Variants in MDGA1 observed in about 807,000 individuals in gnomAD.
MDGA1 encodes MAM domain-containing glycosylphosphatidylinositol anchor protein 1.
In MDGA1, 54 loss-of-function variants were observed where a neutral mutation model predicts 101.5. That is an observed-to-expected ratio of 0.53 (90% confidence interval 0.43 to 0.67). The LOEUF is 0.67. MDGA1 is among the 30% of genes least tolerant of loss of function. The pLI, the probability that MDGA1 is intolerant of heterozygous loss-of-function variation, is 0.00. For synonymous variants in MDGA1, 533 were observed against 558.3 expected, an observed-to-expected ratio of 0.95 and a Z score of 0.64; for missense variants, 1,083 against 1,323.8, an observed-to-expected ratio of 0.82 and a Z score of 2.82.
Position 37,632,764 on chromosome 6 carries a change from T to G in MDGA1, c.*4604A>C, listed in dbSNP as rs1464233556. 1 of 152,710 alleles carries G rather than the reference T, an allele frequency of 6.5e-6. No individual in the cohort carries two copies. The highest frequency in any genetic ancestry group is 1.5e-5 in the Non-Finnish European group (1 of 68,104). 9.5% of individuals were successfully genotyped at this position (152,710 alleles called of 1,614,324 possible). The stretch of plus-strand genomic sequence containing the variant: ...GGGTGGGCTGGGGTGGTCAGACATG[T>G]GGGCCTGGGCATGAGGAGTTTTGGC... On this transcript the variant is annotated 3_prime_UTR_variant, in exon 17 of 17. Coordinates refer to ENST00000434837, the MANE Select transcript of MDGA1 (RefSeq NM_153487.4).
chr6:37,631,768 G>A lies in MDGA1; in HGVS notation c.*5600C>T, dbSNP rs1014798612. 2.0e-5 allele frequency: 3 copies of A among 152,146 alleles called. No homozygotes were observed. Among genetic ancestry groups the A allele is most frequent in the Admixed American group, 2.0e-4 (3 of 15,272 alleles). 9.4% of individuals were successfully genotyped at this position (152,146 alleles called of 1,614,324 possible). The stretch of plus-strand genomic sequence containing the variant: ...ATTCTAGAATTCTGAGAGGTCTGGG[G>A]TAAAGGGAAAGGTTGGCATAACTTG... On this transcript the variant is annotated 3_prime_UTR_variant, in exon 17 of 17. Transcript: ENST00000434837.
chr6:37,679,040 T>C (rs1762039549), intron 1 of MDGA1, among the ~76,000 whole-genome samples: 1 of 152,160 alleles, frequency 6.6e-6, no homozygotes, highest in Non-Finnish European at 1.5e-5. Context: ...GCATCAGGTA[T>C]ATTTATAAAT....
intron 1 of MDGA1, among the ~76,000 whole-genome samples, chr6:37,685,962 T>C (rs1363464512): frequency 6.6e-6 from 1 of 152,080 alleles, no homozygotes; most frequent in African/African-American, 2.4e-5. Flanking sequence ...CTAAATCCCC[T>C]TTCATTCAAG....
intron 1 of MDGA1, among the ~76,000 whole-genome samples, chr6:37,685,299 T>TAA (rs879758925): frequency 7.0e-6 from 1 of 143,108 alleles, no homozygotes; most frequent in East Asian, 2.0e-4. Flanking sequence ...CTCAAAAAAT[T>TAA]AAAAAAAAAA....
At chr6:37,675,365 G>A (rs1761957723) in intron 1 of MDGA1, among the ~76,000 whole-genome samples, 1 of 152,216 alleles carries the variant, frequency 6.6e-6, no homozygotes, top group Non-Finnish European at 1.5e-5. Context: ...AGGATTCGAT[G>A]AGACAATGCA....
intron 1 of MDGA1, among the ~76,000 whole-genome samples, chr6:37,691,106 C>T (rs1762299955): frequency 6.6e-6 from 1 of 152,182 alleles, no homozygotes; most frequent in South Asian, 2.1e-4. Flanking sequence ...CTCCTTCCAT[C>T]TTATTCATCT....
intron 1 of MDGA1, among the ~76,000 whole-genome samples, chr6:37,683,823 C>A (rs1762144205): frequency 6.6e-6 from 1 of 152,248 alleles, no homozygotes; most frequent in Admixed American, 6.5e-5. Context: ...CCTGGACTTA[C>A]CTCCCAAATA....
In MDGA1 at chr6:37,638,185, A is replaced by C. The variant is rs1581838353; in HGVS notation, c.2776+20T>G. 4 of 1,592,682 alleles carry C rather than the reference A, an allele frequency of 2.5e-6. No individual in the cohort carries two copies. Among genetic ancestry groups the C allele is most frequent in the East Asian group, 2.2e-5 (1 of 44,548 alleles). ...AGCTCCCTCCAGATTCAGCTCCCCC[A>C]CCTCCTTCCCGTCTTGCACCTTTAT... On this transcript the variant is annotated intron_variant, in intron 16 of 16. Transcript: ENST00000434837. The surrounding 1 kb of genome is among the most constrained non-coding windows in gnomAD (Gnocchi z 4.8).
chr6:37,651,795 C>G (rs1239108468), intron 7 of MDGA1, among the ~76,000 whole-genome samples: 1 of 152,200 alleles, frequency 6.6e-6, no homozygotes, highest in Non-Finnish European at 1.5e-5. Context: ...CTCCTAAGCT[C>G]TATGAGGGCA....
rs11961416 is a variant in MDGA1, at chr6:37,695,575, C to T, written c.67+1170G>A. 6.7e-3 allele frequency among the ~76,000 whole-genome samples: 1,026 copies of T among 152,318 alleles called. 12 individuals are homozygous for T. The highest frequency in any genetic ancestry group is 0.024 in the African/African-American group (983 of 41,580). On this transcript the variant is annotated intron_variant, in intron 1 of 16. Transcript: ENST00000434837. ...CCTTCAGGACACCCCTTCTTCTTGCCAGGCACAGGCAGATGGGTCAGCACC... is the reference window on the plus strand; with the variant it reads ...CCTTCAGGACACCCCTTCTTCTTGCTAGGCACAGGCAGATGGGTCAGCACC...
intron 7 of MDGA1, among the ~76,000 whole-genome samples, chr6:37,651,255 G>A (rs1037559786): frequency 3.3e-5 from 5 of 152,168 alleles, no homozygotes; most frequent in African/African-American, 1.2e-4. Flanking sequence ...TTTATTCACG[G>A]CAGAACTTAA....
chr6:37,696,870 G>A lies in MDGA1; in HGVS notation c.-59C>T. 1.4e-6 allele frequency: 2 copies of A among 1,452,246 alleles called. No individual in the cohort carries two copies. Among genetic ancestry groups the A allele is most frequent in the East Asian group, 2.5e-5 (1 of 40,456 alleles). 90.0% of individuals were successfully genotyped at this position (1,452,246 alleles called of 1,614,324 possible). ...CGCAGCCCGAGAGGCGGCGGGGGGC[G>A]CATTCGCCGGGGCCCCGCGACGCCC... On this transcript the variant is annotated 5_prime_UTR_variant, in exon 1 of 17. Transcript: ENST00000434837. This position sits in a 1 kb window ranked among gnomAD's most constrained non-coding sequence, Gnocchi z 5.6.
chr6:37,694,996 A>G (rs1403064804), intron 1 of MDGA1, among the ~76,000 whole-genome samples: 1 of 151,866 alleles, frequency 6.6e-6, no homozygotes, highest in Admixed American at 6.6e-5. Context: ...CCCCACTCTC[A>G]TTGCTGGGTT....
rs904614507 is a variant in MDGA1, at chr6:37,634,177, G to T, written c.*3191C>A. 1.8e-4 allele frequency: 28 copies of T among 152,738 alleles called. 1 individual carries two copies. The allele number at this position is 152,738 out of a possible 1,614,324, so 9.5% of individuals were successfully genotyped here. On this transcript the variant is annotated 3_prime_UTR_variant, in exon 17 of 17. Transcript: ENST00000434837. The surrounding 1 kb of genome is among the most constrained non-coding windows in gnomAD (Gnocchi z 4.7). Reference sequence around the variant, plus strand: ...TCCATAAGCTGCTATACAGCACCTGGCCCCCGGAGTCCTTTTCACCAACCT... The same window carrying T: ...TCCATAAGCTGCTATACAGCACCTGTCCCCCGGAGTCCTTTTCACCAACCT...
At chr6:37,651,744 T>C (rs6906090) in intron 7 of MDGA1, among the ~76,000 whole-genome samples, 23,104 of 152,214 alleles carry the variant, frequency 0.15, 2,014 homozygotes, top group Middle Eastern at 0.22. Context: ...TTTGCAATGA[T>C]ATATTTATTT....
Position 37,667,288 on chromosome 6 carries a change from C to T in MDGA1, c.68-3182G>A, listed in dbSNP as rs115074444. Among the ~76,000 whole-genome samples the T allele has an allele frequency of 1.5e-3, 235 of 152,334 alleles. 1 individual carries two copies. Among genetic ancestry groups the T allele is most frequent in the African/African-American group, 5.4e-3 (226 of 41,568 alleles). On this transcript the variant is annotated intron_variant, in intron 1 of 16. Transcript: ENST00000434837. ...GTGTCCAGGTGACCATCCTGCCTGC[C>T]TGGCTGCCACAGAGGAATGAACCTG...
At chr6:37,663,426 C>T (rs1761670948) in intron 2 of MDGA1, among the ~76,000 whole-genome samples, 1 of 152,210 alleles carries the variant, frequency 6.6e-6, no homozygotes, top group African/African-American at 2.4e-5. Flanking sequence ...CAAAGATGGA[C>T]ATGCTGGGAG....
intron 1 of MDGA1, among the ~76,000 whole-genome samples, chr6:37,694,358 C>G (rs544319511): frequency 1.5e-4 from 23 of 152,222 alleles, no homozygotes; most frequent in African/African-American, 5.1e-4. Flanking sequence ...AACCTGCCCC[C>G]AACTATAGCC....
chr6:37,687,914 A>G (rs914927282), intron 1 of MDGA1, among the ~76,000 whole-genome samples: 36 of 152,318 alleles, frequency 2.4e-4, no homozygotes, highest in Non-Finnish European at 3.7e-4. Flanking sequence ...TGGGAAGCCA[A>G]ACCTAGAGAA....
Sources: gnomAD v4.1 joint callset for allele counts (sites outside exome capture counted in the v4.1 genomes callset) on GRCh38, gnomAD v4.1.1 for gene constraint, Gnocchi (gnomAD v3.1) non-coding constraint, MANE v1.5 for transcripts, NCBI Gene and HGNC (gene_info 2026-07-23, HGNC 2026-07-21) for gene names.